The following DNASE1 variants were observed in gnomAD, a reference collection of about 807,000 sequenced individuals.
DNASE1 encodes the protein deoxyribonuclease-1.
Under a neutral mutation model 33.9 loss-of-function variants are expected in DNASE1, and 40 were observed. The ratio of observed to expected loss-of-function variants is 1.18; its 90% confidence interval spans 0.92 to 1.54. DNASE1 has a LOEUF of 1.54. Among genes scored for constraint, DNASE1 ranks in the 40% most tolerant of loss-of-function variants. DNASE1 has a pLI of 0.00. For synonymous variants in DNASE1, 216 were observed against 160.0 expected (o/e 1.35, Z -2.64); for missense variants, 518 against 372.6 (o/e 1.39, Z -3.21).
exon 10 of DNASE1, chr16:3,663,129 C>T (rs868790396): frequency 5.9e-6 from 4 of 678,174 alleles, no homozygotes; most frequent in Non-Finnish European, 9.8e-6. Flanking sequence ...TCAAAGGATG[C>T]TTCAGGTTGC....
At chr16:3,658,852 T>G (rs747999733), downstream of DNASE1, 1 of 1,614,062 alleles carries the variant, frequency 6.2e-7, no homozygotes, top group South Asian at 1.1e-5. Flanking sequence ...TTCAGCTTCT[T>G]GATGAGCGCG....
At chr16:3,656,877 T>C in intron 5 of DNASE1, 122 bp from the exon 6 acceptor site, 1 of 1,543,470 alleles carries the variant, frequency 6.5e-7, no homozygotes, top group Non-Finnish European at 8.7e-7. Context: ...GGGTTTTCCA[T>C]TCAAGTCATT....
At chr16:3,616,873 A>C (rs2041121878) in intron 1 of DNASE1, among the ~76,000 whole-genome samples, 1 of 152,192 alleles carries the variant, frequency 6.6e-6, no homozygotes, top group Non-Finnish European at 1.5e-5. Flanking sequence ...TTTGTCCGGG[A>C]TGCCAAGACT....
At position 3,654,814 on chromosome 16, in the gene DNASE1, C is replaced by G; in HGVS notation, c.-232C>G. On this transcript the variant is annotated 5_prime_UTR_variant, in exon 1 of 9. Transcript: ENST00000246949. ...CTCTCAGGTGACGGCTCACATTTGC[C>G]CCAGGGAAGGTCACAGCTGCCTGAA... 2.5e-6 allele frequency: 1 copy of G among 403,500 alleles called. No individual in the cohort carries two copies. Among genetic ancestry groups the G allele is most frequent in the Non-Finnish European group, 4.4e-6 (1 of 229,476 alleles). The allele number at this position is 403,500 out of a possible 1,614,324, so 25.0% of individuals were successfully genotyped here.
chr16:3,652,530 A>AGTTT (rs2042369439), upstream of DNASE1: 1 of 152,162 alleles, frequency 6.6e-6, no homozygotes, highest in Non-Finnish European at 1.5e-5. Context: ...ACAGGGAAGA[A>AGTTT]CCATTGCTGA....
At chr16:3,629,247 A>C (rs1415057499) in intron 1 of DNASE1, among the ~76,000 whole-genome samples, 1 of 149,736 alleles carries the variant, frequency 6.7e-6, no homozygotes, top group African/African-American at 2.4e-5. Flanking sequence ...ATATGGCTTT[A>C]TGTTGAGATA....
rs2042714028 is a variant in DNASE1, at chr16:3,657,124, CA to C, written c.549+14del. Reference sequence around the variant, plus strand: ...ATGGGGCTTGGAGGTGAGGCCCTCCCAGGGGCAGTGGGCACCAGCGGCCTCC... The same window carrying C: ...ATGGGGCTTGGAGGTGAGGCCCTCCCGGGGCAGTGGGCACCAGCGGCCTCC... On this transcript the variant is annotated intron_variant, in intron 6 of 8. Coordinates refer to ENST00000246949, the MANE Select transcript of DNASE1 (RefSeq NM_005223.4). The C allele has an allele frequency of 6.2e-7, 1 of 1,614,108 alleles. No homozygotes were observed. Among genetic ancestry groups the C allele is most frequent in the Non-Finnish European group, 8.5e-7 (1 of 1,180,016 alleles).
chr16:3,635,052 G>T (rs865962605), intron 1 of DNASE1, among the ~76,000 whole-genome samples: 1 of 151,550 alleles, frequency 6.6e-6, no homozygotes, highest in African/African-American at 2.4e-5. Context: ...AGAACTCCTG[G>T]ACTAAAGCTA....
chr16:3,630,456 C>T (rs1025999090), intron 1 of DNASE1, among the ~76,000 whole-genome samples: 7 of 152,150 alleles, frequency 4.6e-5, no homozygotes, highest in African/African-American at 1.7e-4. Context: ...TCTGGGATTA[C>T]GGGCATGAGC....
At position 3,657,044 on chromosome 16, in the gene DNASE1, A is replaced by C; in HGVS notation, c.482A>C (p.Asp161Ala). The change falls in exon 6 of 9, where the codon GAC becomes GCC. Residue 161 changes from aspartate to alanine, a missense_variant. Asp to Ala is a moderately radical substitution (Grantham distance 126). Transcript: ENST00000246949. ...GTTCCCCTGCATGCGGCCCCGGGGG[A>C]CGCAGTAGCCGAGATCGACGCTCTC... ...AIVPLHAAPG[D>A]AVAEIDALYD... 6.2e-7 allele frequency: 1 copy of C among 1,613,568 alleles called. No individual in the cohort carries two copies. Among genetic ancestry groups the C allele is most frequent in the African/African-American group, 1.3e-5 (1 of 74,886 alleles).
intron 1 of DNASE1, among the ~76,000 whole-genome samples, chr16:3,616,857 A>G (rs1473010209): frequency 3.3e-5 from 5 of 152,172 alleles, no homozygotes; most frequent in African/African-American, 7.2e-5. Context: ...TTTATGAGCA[A>G]TTGATTTTGT....
exon 10 of DNASE1, chr16:3,664,972 G>C (rs2050795403): frequency 6.5e-6 from 1 of 154,754 alleles, no homozygotes; most frequent in South Asian, 2.0e-4. Flanking sequence ...GTGACCTCTA[G>C]AGCTCATGGG....
At chr16:3,662,948 C>G (rs1274774326), downstream of DNASE1, 18 of 1,611,840 alleles carry the variant, frequency 1.1e-5, 1 homozygote, top group Non-Finnish European at 1.4e-5. Context: ...CCGTCTCCTT[C>G]TCTGATAGGC....
Position 3,654,796 on chromosome 16 carries a change from G to T in DNASE1, c.-250G>T, listed in dbSNP as rs1217863596. On this transcript the variant is annotated 5_prime_UTR_variant, in exon 1 of 9. Transcript: ENST00000246949. ...GAGCCATTGTTTTCTGCACTCTCAG[G>T]TGACGGCTCACATTTGCCCCAGGGA... The T allele has an allele frequency of 1.0e-5, 4 of 401,730 alleles. No homozygotes were observed. Among genetic ancestry groups the T allele is most frequent in the Non-Finnish European group, 1.8e-5 (4 of 228,392 alleles). The allele number at this position is 401,730 out of a possible 1,614,324, so 24.9% of individuals were successfully genotyped here. A position where few individuals can be genotyped will look rare whatever the true frequency, so the allele number is the denominator to read the frequency against.
chr16:3,625,205 C>G (rs965510480), intron 1 of DNASE1, among the ~76,000 whole-genome samples: 3 of 152,158 alleles, frequency 2.0e-5, no homozygotes, highest in African/African-American at 7.2e-5. Context: ...ACTTGGGAGG[C>G]TGAGGCAGGA....
At chr16:3,658,950 T>TAA, downstream of DNASE1, 1 of 1,394,036 alleles carries the variant, frequency 7.2e-7, no homozygotes, top group Middle Eastern at 1.8e-4. Context: ...TCAGGATATT[T>TAA]AAAGAAGCAC....
downstream of DNASE1, chr16:3,662,601 C>G (rs1040722107): frequency 2.0e-5 from 13 of 635,472 alleles, 1 homozygote; most frequent in Admixed American, 2.3e-4. Flanking sequence ...GGAACCCCCA[C>G]GTCCTCAGCC....
chr16:3,661,667 A>T (rs956370465), downstream of DNASE1: 3 of 298,262 alleles, frequency 1.0e-5, no homozygotes, highest in South Asian at 4.6e-4. Flanking sequence ...AAACACCAAG[A>T]TCCACGTACA....
At chr16:3,652,584 A>C (rs1483007333), upstream of DNASE1, 1 of 152,208 alleles carries the variant, frequency 6.6e-6, no homozygotes, top group Non-Finnish European at 1.5e-5. Flanking sequence ...CAGCCTGAGG[A>C]GTGGTGGTGT....
Sources: gnomAD v4.1 joint callset for allele counts (sites outside exome capture counted in the v4.1 genomes callset) on GRCh38, gnomAD v4.1.1 for gene constraint, MANE v1.5 for transcripts, NCBI Gene and HGNC (gene_info 2026-07-23, HGNC 2026-07-21) for gene names.